VEPH1: variants seen among roughly 807,000 people sequenced by gnomAD.
The protein encoded by VEPH1 is ventricular zone expressed PH domain containing 1.
VEPH1 carries 80 observed loss-of-function variants against 85.2 expected under a neutral mutation model. That is an observed-to-expected ratio of 0.94 (90% CI 0.78 to 1.13). The LOEUF (loss-of-function observed/expected upper bound fraction) is 1.13, where lower values mean the gene tolerates loss of function less well. Ranked by LOEUF, VEPH1 falls within the 50% of genes most tolerant of loss-of-function variation. VEPH1 has a pLI of 0.00. For missense variants in VEPH1, 955 were observed against 980.5 expected (o/e 0.97, Z 0.35); for synonymous variants, 297 against 348.0 (o/e 0.85, Z 1.63).
At chr3:157,316,715 T>G (rs1720789555) in intron 10 of VEPH1, among the ~76,000 whole-genome samples, 2 of 152,042 alleles carry the variant, frequency 1.3e-5, no homozygotes, top group Non-Finnish European at 2.9e-5. Flanking sequence ...AACTGGAGAT[T>G]GGAAGACTAG....
intron 10 of VEPH1, among the ~76,000 whole-genome samples, chr3:157,315,405 A>G (rs183993945): frequency 1.3e-5 from 2 of 152,164 alleles, no homozygotes; most frequent in African/African-American, 2.4e-5. Context: ...GAAGCACCCA[A>G]TTTTTCATTT....
At chr3:157,501,550 C>T (rs1740096196) in intron 1 of VEPH1, among the ~76,000 whole-genome samples, 1 of 152,152 alleles carries the variant, frequency 6.6e-6, no homozygotes, top group Non-Finnish European at 1.5e-5. Context: ...ACTCAATGCC[C>T]ACTAATAAAA....
chr3:157,403,519 C>A (rs187847522), intron 6 of VEPH1, among the ~76,000 whole-genome samples: 2 of 152,172 alleles, frequency 1.3e-5, no homozygotes, highest in East Asian at 3.9e-4. Context: ...AACTCCTGGG[C>A]TCGAGTGAGT....
chr3:157,494,125 T>G (rs142034216), intron 2 of VEPH1, among the ~76,000 whole-genome samples: 1 of 152,188 alleles, frequency 6.6e-6, no homozygotes, highest in Non-Finnish European at 1.5e-5. Flanking sequence ...AGTGACTTCA[T>G]TGGTCACTGG....
At chr3:157,341,290 G>A (rs1429535675) in intron 9 of VEPH1, among the ~76,000 whole-genome samples, 1 of 152,120 alleles carries the variant, frequency 6.6e-6, no homozygotes, top group African/African-American at 2.4e-5. Flanking sequence ...AAGATTAGAC[G>A]AAGGGCCAAC....
intron 6 of VEPH1, among the ~76,000 whole-genome samples, chr3:157,397,558 T>C (rs1730503451): frequency 6.6e-6 from 1 of 152,102 alleles, no homozygotes; most frequent in Admixed American, 6.5e-5. Flanking sequence ...ATGAGTATGG[T>C]ATGTTTTTTC....
chr3:157,270,428 A>T (rs1481862997), intron 12 of VEPH1, among the ~76,000 whole-genome samples: 1 of 152,180 alleles, frequency 6.6e-6, no homozygotes, highest in Admixed American at 6.5e-5. Context: ...TTCTAGTGCA[A>T]TTGGAACCCA....
intron 6 of VEPH1, among the ~76,000 whole-genome samples, chr3:157,406,803 T>C (rs1457355292): frequency 6.6e-6 from 1 of 152,096 alleles, no homozygotes; most frequent in African/African-American, 2.4e-5. Flanking sequence ...TACCACTAGG[T>C]CTACTGCCTT....
chr3:157,393,960 T>G (rs540372974), intron 6 of VEPH1, among the ~76,000 whole-genome samples: 33 of 152,298 alleles, frequency 2.2e-4, no homozygotes. Flanking sequence ...GCTGGTGGGT[T>G]TAGAGCCACT....
At chr3:157,298,575 T>G (rs1247844060) in intron 11 of VEPH1, among the ~76,000 whole-genome samples, 1 of 152,130 alleles carries the variant, frequency 6.6e-6, no homozygotes, top group Non-Finnish European at 1.5e-5. Context: ...TGTGTGGTGG[T>G]CTAAGGCTAC....
intron 6 of VEPH1, among the ~76,000 whole-genome samples, chr3:157,395,083 T>C (rs1182159435): frequency 6.6e-6 from 1 of 152,210 alleles, no homozygotes; most frequent in Non-Finnish European, 1.5e-5. Flanking sequence ...GTGAACGCCA[T>C]GATCACGAAT....
intron 6 of VEPH1, among the ~76,000 whole-genome samples, chr3:157,405,544 C>T (rs1731080462): frequency 6.6e-6 from 1 of 152,082 alleles, no homozygotes; most frequent in South Asian, 2.1e-4. Context: ...GCATCTCTCC[C>T]CCTCCCCTCC....
intron 11 of VEPH1, 34 bp from the exon 12 acceptor site, chr3:157,286,708 G>A (rs1716832027): frequency 6.5e-7 from 1 of 1,549,966 alleles, no homozygotes; most frequent in Non-Finnish European, 8.9e-7. Flanking sequence ...AAGAACATAA[G>A]CTGCTCTGCC....
At chr3:157,377,860 TA>T (rs1384462632) in intron 7 of VEPH1, among the ~76,000 whole-genome samples, 1 of 152,172 alleles carries the variant, frequency 6.6e-6, no homozygotes, top group Non-Finnish European at 1.5e-5. Context: ...GCCTACTTAT[TA>T]AAAATATATT....
At chr3:157,409,558 G>T in intron 6 of VEPH1, 1 of 910,946 alleles carries the variant, frequency 1.1e-6, no homozygotes, top group Non-Finnish European at 1.3e-6. Flanking sequence ...TAATCTGGGA[G>T]ATAGAGAAAA....
intron 7 of VEPH1, among the ~76,000 whole-genome samples, chr3:157,368,476 G>C (rs1726977387): frequency 7.1e-6 from 1 of 140,388 alleles, no homozygotes; most frequent in Non-Finnish European, 1.6e-5. Flanking sequence ...TAAACAATAA[G>C]TTTTTTGTTT....
At chr3:157,290,190 G>A (rs1168396098) in intron 11 of VEPH1, among the ~76,000 whole-genome samples, 3 of 152,086 alleles carry the variant, frequency 2.0e-5, no homozygotes, top group Non-Finnish European at 4.4e-5. Context: ...GATCTTAAAG[G>A]AGGCCTTCAG....
chr3:157,348,929 A>G (rs1017263005), intron 9 of VEPH1, among the ~76,000 whole-genome samples: 8 of 152,228 alleles, frequency 5.3e-5, no homozygotes, highest in African/African-American at 1.9e-4. Flanking sequence ...ACCTTTAAAG[A>G]AGAATTAATA....
chr3:157,314,785 C>A (rs918702944), intron 10 of VEPH1, among the ~76,000 whole-genome samples: 1 of 152,082 alleles, frequency 6.6e-6, no homozygotes, highest in East Asian at 1.9e-4. Context: ...GATAATTTCT[C>A]TAAATGTTGA....
Sources: gnomAD v4.1 joint callset for allele counts (sites outside exome capture counted in the v4.1 genomes callset) on GRCh38, gnomAD v4.1.1 for gene constraint, MANE v1.5 for transcripts, NCBI Gene and HGNC (gene_info 2026-07-23, HGNC 2026-07-21) for gene names.